Variants in PKHD1 observed in about 807,000 individuals in gnomAD.
The protein encoded by PKHD1 is PKHD1 ciliary IPT domain containing fibrocystin/polyductin.
PKHD1 carries 291 observed loss-of-function variants against 412.0 expected under a neutral mutation model. The observed-to-expected ratio is 0.71, with a 90% CI of 0.64 to 0.78. The LOEUF (loss-of-function observed/expected upper bound fraction) is 0.78. Ranked by LOEUF, PKHD1 falls within the 30% of genes least tolerant of loss-of-function variation. The pLI, the probability that PKHD1 is intolerant of heterozygous loss-of-function variation, is 0.00. For synonymous variants in PKHD1, 1,777 were observed against 1,821.5 expected (o/e 0.98, Z 0.62); for missense variants, 4,825 against 4,950.7 (o/e 0.97, Z 0.76).
In PKHD1 at chr6:52,083,257, TGTAA is replaced by T. The variant is rs1379970496; in HGVS notation, c.53-6_53-3del. 6.3e-7 allele frequency: 1 copy of T among 1,591,264 alleles called. No individual in the cohort carries two copies. Among genetic ancestry groups the T allele is most frequent in the Admixed American group, 1.7e-5 (1 of 60,006 alleles). ...CAATATGTAAACTCAGGTGACGTACTGTAAGTAAGTGAAAAAAAACATTGGTTTT... is the reference window on the plus strand; with the variant it reads ...CAATATGTAAACTCAGGTGACGTACTGTAAGTGAAAAAAAACATTGGTTTT... On this transcript the variant is annotated splice_polypyrimidine_tract_variant and splice_region_variant and intron_variant, in intron 2 of 66. Transcript: ENST00000371117.
chr6:51,738,270 C>T (rs1257799041), intron 60 of PKHD1, among the ~76,000 whole-genome samples: 1 of 152,112 alleles, frequency 6.6e-6, no homozygotes, highest in Admixed American at 6.5e-5. Context: ...CCTACTGCCA[C>T]CTTTCTTAAA....
At chr6:52,082,368 C>T in intron 4 of PKHD1, 24 bp downstream of exon 4, 1 of 1,611,160 alleles carries the variant, frequency 6.2e-7, no homozygotes, top group Non-Finnish European at 8.5e-7. Flanking sequence ...CCTGTCTGGT[C>T]TTCCTATTCC....
At chr6:51,776,384 T>G (rs1791027458) in intron 53 of PKHD1, among the ~76,000 whole-genome samples, 1 of 152,006 alleles carries the variant, frequency 6.6e-6, no homozygotes, top group Admixed American at 6.6e-5. Context: ...AATGAAGAGA[T>G]ATGCAGAGCA....
intron 35 of PKHD1, among the ~76,000 whole-genome samples, chr6:51,960,425 T>C (rs914192264): frequency 1.3e-5 from 2 of 152,186 alleles, no homozygotes; most frequent in Admixed American, 1.3e-4. Context: ...TTTACAGATA[T>C]GTATTGAATC....
chr6:52,040,803 C>A (rs1804752487), intron 27 of PKHD1, among the ~76,000 whole-genome samples: 1 of 152,206 alleles, frequency 6.6e-6, no homozygotes, highest in Non-Finnish European at 1.5e-5. Context: ...TATACCATCA[C>A]AACCATCTAC....
chr6:51,697,917 A>G (rs913269043), intron 60 of PKHD1, among the ~76,000 whole-genome samples: 4 of 152,200 alleles, frequency 2.6e-5, no homozygotes, highest in African/African-American at 7.2e-5. Flanking sequence ...CACTAAATAC[A>G]TTGCTGTTGG....
chr6:51,997,284 A>T (rs939750993), intron 35 of PKHD1, among the ~76,000 whole-genome samples: 1 of 152,144 alleles, frequency 6.6e-6, no homozygotes, highest in Non-Finnish European at 1.5e-5. Flanking sequence ...GTGAGCCCTG[A>T]GCTGCTGGAT....
Position 51,638,888 on chromosome 6 carries a change from A to G in PKHD1, c.11467T>C (p.Ser3823Pro). Residue 3823 changes from serine to proline, a missense_variant, in exon 64 of 67, where the codon TCA becomes CCA. Coordinates refer to ENST00000371117, the MANE Select transcript of PKHD1 (RefSeq NM_138694.4). ...FYNLAVLISG[S>P]NWHFIFTVTS... Reference sequence around the variant, plus strand: ...ACAGTAAAAATAAAGTGCCAGTTTGACCCAGAGATCAAGACTGCCAAGTTG... The same window carrying G: ...ACAGTAAAAATAAAGTGCCAGTTTGGCCCAGAGATCAAGACTGCCAAGTTG... 6.2e-7 allele frequency: 1 copy of G among 1,613,256 alleles called. No individual in the cohort carries two copies.
In PKHD1 at chr6:52,032,460, G is replaced by A. The variant is rs574227401; in HGVS notation, c.3364+570C>T. Among the ~76,000 whole-genome samples the A allele has an allele frequency of 1.6e-4, 24 of 152,244 alleles. No homozygotes were observed. The South Asian group carries it at 5.0e-3, about 32-fold the overall frequency. On this transcript the variant is annotated intron_variant, in intron 29 of 66. Coordinates refer to ENST00000371117, the MANE Select transcript of PKHD1 (RefSeq NM_138694.4). The stretch of plus-strand genomic sequence containing the variant: ...AATCCATTATTTTTATACGTAGAAT[G>A]TCTCAAGAAACAAGAATTCTAAGTT...
chr6:51,775,143 A>C (rs1329360259), intron 54 of PKHD1, among the ~76,000 whole-genome samples: 1 of 151,742 alleles, frequency 6.6e-6, no homozygotes, highest in Non-Finnish European at 1.5e-5. Context: ...ACTTATTTCA[A>C]CTATTATATA....
chr6:51,895,191 C>A (rs1473188044), intron 43 of PKHD1, among the ~76,000 whole-genome samples: 1 of 152,252 alleles, frequency 6.6e-6, no homozygotes, highest in Non-Finnish European at 1.5e-5. Context: ...TGGTGGCTCA[C>A]ACCTGTAATT....
intron 46 of PKHD1, among the ~76,000 whole-genome samples, chr6:51,880,827 G>A (rs1013400691): frequency 3.7e-5 from 5 of 135,292 alleles, no homozygotes; most frequent in Admixed American, 2.3e-4. Flanking sequence ...TTAGCCAGGC[G>A]TGGTGGCAGG....
intron 59 of PKHD1, among the ~76,000 whole-genome samples, chr6:51,745,556 A>T (rs1291093883): frequency 6.6e-6 from 1 of 152,018 alleles, no homozygotes; most frequent in Non-Finnish European, 1.5e-5. Flanking sequence ...AAATAAATTT[A>T]TGTCCAGGTG....
At position 51,807,485 on chromosome 6, in the gene PKHD1, A is replaced by ATGTGTGTGTGTG. The variant is rs567506746; in HGVS notation, c.8303-16124_8303-16113dup. On this transcript the variant is annotated intron_variant, in intron 52 of 66. Coordinates refer to ENST00000371117, the MANE Select transcript of PKHD1 (RefSeq NM_138694.4). ...TATATATATATATATATATATGTAT[A>ATGTGTGTGTGTG]TGTGTGTGTGTGTGTGTGTGTGTGT... Among the ~76,000 whole-genome samples, 269 of 111,740 alleles carry ATGTGTGTGTGTG rather than the reference A, an allele frequency of 2.4e-3. 1 individual carries two copies. Among genetic ancestry groups the ATGTGTGTGTGTG allele is most frequent in the Middle Eastern group, 0.01 (2 of 196 alleles). 73.3% of individuals were successfully genotyped at this position (111,740 alleles called of 152,430 possible).
intron 35 of PKHD1, among the ~76,000 whole-genome samples, chr6:51,987,732 C>CT (rs529894512): frequency 1.9e-3 from 266 of 143,370 alleles, no homozygotes; most frequent in South Asian, 4.6e-3. Context: ...TTTCTAAGAC[C>CT]TTTTTTTTTT....
intron 11 of PKHD1, among the ~76,000 whole-genome samples, chr6:52,067,323 C>A (rs2128225760): frequency 6.6e-6 from 1 of 152,198 alleles, no homozygotes; most frequent in East Asian, 1.9e-4. Flanking sequence ...TTAACACATT[C>A]TTTTGTTATG....
chr6:52,071,469 C>G (rs1354118558), intron 8 of PKHD1, among the ~76,000 whole-genome samples: 2 of 151,896 alleles, frequency 1.3e-5, no homozygotes, highest in Non-Finnish European at 2.9e-5. Flanking sequence ...GCAGAATACA[C>G]ACCAGTCTGA....
In PKHD1 at chr6:51,659,222, C is replaced by A. The variant is rs773795912; in HGVS notation, c.10904G>T (p.Gly3635Val). Residue 3635 changes from glycine to valine, a missense_variant, in exon 61 of 67, where the codon GGT (glycine) becomes GTT (valine). Physicochemically the swap from Gly to Val is moderately radical, Grantham distance 109 (BLOSUM62 -3). Coordinates refer to ENST00000371117, the MANE Select transcript of PKHD1 (RefSeq NM_138694.4). ...TTCCATCATGAGAGGCCTACGTTGA[C>A]CAACTCTTCTATAATGACTAGTGCA... ...VTCTSHYRRV[G>V]QRRPLMMEMN... The A allele has an allele frequency of 6.2e-7, 1 of 1,613,846 alleles. No individual in the cohort carries two copies.
chr6:52,070,023 A>C (rs573362973), intron 10 of PKHD1, among the ~76,000 whole-genome samples: 1 of 152,328 alleles, frequency 6.6e-6, no homozygotes. Context: ...TATCACTTCA[A>C]AGTGTGATAA....
Sources: allele counts gnomAD v4.1 joint callset (sites outside exome capture counted in the v4.1 genomes callset), GRCh38; gene constraint gnomAD v4.1.1; transcripts MANE v1.5; gene names NCBI Gene and HGNC (gene_info 2026-07-23, HGNC 2026-07-21).